The following GALNT13 variants were observed in gnomAD, a reference collection of about 807,000 sequenced individuals.
GALNT13 encodes the protein UDP-GalNAc:polypeptide N-acetylgalactosaminyltransferase 13.
A neutral mutation model predicts 64.2 loss-of-function variants in GALNT13; 28 were observed. The ratio of observed to expected loss-of-function variants is 0.44; its 90% CI spans 0.32 to 0.60. The LOEUF is 0.60. Ranked by LOEUF, GALNT13 falls within the 20% of genes least tolerant of loss-of-function variation. GALNT13 has a pLI of 0.05. For missense variants in GALNT13, 577 were observed against 669.8 expected (o/e 0.86, Z 1.53); for synonymous variants, 214 against 224.6 (o/e 0.95, Z 0.42).
At chr2:153,534,667 A>AG in the GALNT13 span, among the ~76,000 whole-genome samples, 2 of 151,428 alleles carry the variant, frequency 1.3e-5, no homozygotes, top group African/African-American at 4.9e-5. Flanking sequence ...TTACAGTCAA[A>AG]GGGGGTTTGT....
At chr2:153,573,465 G>A in the GALNT13 span, among the ~76,000 whole-genome samples, 2 of 151,896 alleles carry the variant, frequency 1.3e-5, no homozygotes, top group Admixed American at 6.6e-5. Context: ...GAACAAGTAA[G>A]GACTTCTTTC....
At chr2:153,650,425 C>T in the GALNT13 span, among the ~76,000 whole-genome samples, 1 of 152,108 alleles carries the variant, frequency 6.6e-6, no homozygotes, top group Non-Finnish European at 1.5e-5. Context: ...TCCAATTTGC[C>T]AGTCTGTGTC....
the GALNT13 span, among the ~76,000 whole-genome samples, chr2:153,079,677 A>G: frequency 6.6e-6 from 1 of 152,156 alleles, no homozygotes; most frequent in Non-Finnish European, 1.5e-5. Context: ...TTTCTTTAAT[A>G]CTACTATCAA....
chr2:154,268,301 A>G (rs1691131970), intron 8 of GALNT13, among the ~76,000 whole-genome samples: 2 of 152,234 alleles, frequency 1.3e-5, no homozygotes, highest in South Asian at 4.1e-4. Context: ...GCTGAATGAA[A>G]CAAGCCAGGC....
At chr2:153,350,052 C>T in the GALNT13 span, among the ~76,000 whole-genome samples, 3 of 152,116 alleles carry the variant, frequency 2.0e-5, no homozygotes, top group East Asian at 3.9e-4. Context: ...TCACTCTTAC[C>T]GAGGTATAGT....
At chr2:153,069,547 G>A in the GALNT13 span, among the ~76,000 whole-genome samples, 2 of 152,036 alleles carry the variant, frequency 1.3e-5, no homozygotes, top group African/African-American at 4.8e-5. Context: ...TTTGAATCAG[G>A]AAGAGCAGCA....
the GALNT13 span, among the ~76,000 whole-genome samples, chr2:153,774,276 A>G: frequency 6.6e-6 from 1 of 152,104 alleles, no homozygotes; most frequent in African/African-American, 2.4e-5. Context: ...AAATATTGCT[A>G]GATATTTATG....
chr2:153,992,844 C>A (rs1039253219), intron 3 of GALNT13, among the ~76,000 whole-genome samples: 14 of 152,146 alleles, frequency 9.2e-5, no homozygotes, highest in African/African-American at 2.4e-4. Flanking sequence ...TGCCTCATCA[C>A]CCTTGCCTAT....
chr2:153,443,556 T>C, the GALNT13 span, among the ~76,000 whole-genome samples: 1 of 152,230 alleles, frequency 6.6e-6, no homozygotes, highest in Non-Finnish European at 1.5e-5. Context: ...TTGAGTACTA[T>C]TTTTTATGTG....
At chr2:154,065,770 G>A (rs1355170026) in intron 3 of GALNT13, among the ~76,000 whole-genome samples, 1 of 152,128 alleles carries the variant, frequency 6.6e-6, no homozygotes, top group Non-Finnish European at 1.5e-5. Flanking sequence ...GTATGAACAA[G>A]CCCAGACTGT....
the GALNT13 span, among the ~76,000 whole-genome samples, chr2:153,512,401 G>T: frequency 8.6e-4 from 131 of 152,276 alleles, no homozygotes; most frequent in East Asian, 0.02. Flanking sequence ...GCCATGCTTC[G>T]TGAGGGCTAC....
At chr2:153,298,280 C>T in the GALNT13 span, among the ~76,000 whole-genome samples, 1 of 152,110 alleles carries the variant, frequency 6.6e-6, no homozygotes, top group Non-Finnish European at 1.5e-5. Flanking sequence ...GCAGAGAAGC[C>T]ATGCAGATCA....
intron 3 of GALNT13, among the ~76,000 whole-genome samples, chr2:154,060,088 A>G (rs778630814): frequency 1.1e-4 from 16 of 152,190 alleles, no homozygotes; most frequent in Non-Finnish European, 2.4e-4. Context: ...AAGAAAAACC[A>G]GAGCTCCCTT....
At chr2:153,580,661 C>T in the GALNT13 span, among the ~76,000 whole-genome samples, 2 of 152,096 alleles carry the variant, frequency 1.3e-5, no homozygotes, top group Admixed American at 6.6e-5. Context: ...GTGAGGGAAA[C>T]AAGCATGGAC....
At chr2:153,434,357 G>C in the GALNT13 span, among the ~76,000 whole-genome samples, 2 of 152,292 alleles carry the variant, frequency 1.3e-5, no homozygotes, top group East Asian at 3.9e-4. Context: ...TAATGGGATG[G>C]CTGGGTCAAA....
the GALNT13 span, among the ~76,000 whole-genome samples, chr2:153,541,084 G>A: frequency 1.2e-4 from 18 of 152,100 alleles, no homozygotes; most frequent in Non-Finnish European, 2.2e-4. Context: ...ATCTTATCTT[G>A]AATTGTAGCT....
At chr2:153,964,898 T>C (rs1693223583) in intron 3 of GALNT13, among the ~76,000 whole-genome samples, 1 of 152,142 alleles carries the variant, frequency 6.6e-6, no homozygotes, top group Non-Finnish European at 1.5e-5. Flanking sequence ...CCACACAATA[T>C]TTTATCATAT....
the GALNT13 span, among the ~76,000 whole-genome samples, chr2:153,858,736 T>C: frequency 2.0e-5 from 3 of 152,056 alleles, no homozygotes; most frequent in Non-Finnish European, 4.4e-5. Context: ...TTTATGATTA[T>C]TGTTATTATT....
the GALNT13 span, among the ~76,000 whole-genome samples, chr2:153,587,731 C>T: frequency 6.6e-6 from 1 of 152,210 alleles, no homozygotes; most frequent in Non-Finnish European, 1.5e-5. Context: ...CCTCCCATAT[C>T]TCATGTCTTC....
Sources: gnomAD v4.1 joint callset for allele counts (sites outside exome capture counted in the v4.1 genomes callset) on GRCh38, gnomAD v4.1.1 for gene constraint, MANE v1.5 for transcripts, NCBI Gene and HGNC (gene_info 2026-07-23, HGNC 2026-07-21) for gene names.